SGCZ: variants seen among roughly 807,000 people sequenced by gnomAD.
SGCZ encodes the protein sarcoglycan zeta.
SGCZ carries 40 observed loss-of-function variants against 41.3 expected under a neutral mutation model. That is an observed-to-expected ratio of 0.97 (90% CI 0.75 to 1.26). The LOEUF (loss-of-function observed/expected upper bound fraction) is 1.26. Ranked by LOEUF, SGCZ falls within the 50% of genes most tolerant of loss-of-function variation. The probability of loss-of-function intolerance (pLI) is 0.00; values close to 1 mark genes in which losing one functional copy is unlikely to be tolerated. For synonymous variants in SGCZ, 206 were observed against 137.5 expected (o/e 1.50, Z -3.49); for missense variants, 552 against 369.8 (o/e 1.49, Z -4.04).
intron 1 of SGCZ, among the ~76,000 whole-genome samples, chr8:15,049,125 G>A (rs1458500479): frequency 6.6e-6 from 1 of 152,116 alleles, no homozygotes; most frequent in African/African-American, 2.4e-5. Flanking sequence ...TGAATATAAA[G>A]GATATGAAGA....
intron 1 of SGCZ, among the ~76,000 whole-genome samples, chr8:15,059,106 C>A (rs946872727): frequency 6.6e-6 from 1 of 151,928 alleles, no homozygotes; most frequent in Non-Finnish European, 1.5e-5. Flanking sequence ...AAAGTTGTTA[C>A]GATATGTTTC....
intron 1 of SGCZ, among the ~76,000 whole-genome samples, chr8:14,595,725 G>GA (rs974234660): frequency 6.6e-6 from 1 of 151,960 alleles, no homozygotes; most frequent in Non-Finnish European, 1.5e-5. Flanking sequence ...TGCCTTCAGG[G>GA]AAAAAAATAA....
At chr8:14,740,597 A>T (rs1799173459) in intron 1 of SGCZ, among the ~76,000 whole-genome samples, 1 of 151,996 alleles carries the variant, frequency 6.6e-6, no homozygotes, top group Non-Finnish European at 1.5e-5. Context: ...ACTAATTAAG[A>T]GCTGACATAG....
intron 5 of SGCZ, among the ~76,000 whole-genome samples, chr8:14,156,273 C>G (rs778616620): frequency 7.2e-5 from 11 of 152,092 alleles, no homozygotes; most frequent in Non-Finnish European, 1.5e-4. Context: ...TCCTGGCTAA[C>G]ACAGTGAAAT....
At chr8:14,780,310 G>C (rs1489729685) in intron 1 of SGCZ, among the ~76,000 whole-genome samples, 1 of 150,624 alleles carries the variant, frequency 6.6e-6, no homozygotes, top group African/African-American at 2.5e-5. Flanking sequence ...GGGGGGCAGA[G>C]CTTGCAGTGA....
chr8:15,095,059 A>G (rs1017628538), intron 1 of SGCZ, among the ~76,000 whole-genome samples: 3 of 152,154 alleles, frequency 2.0e-5, no homozygotes, highest in Non-Finnish European at 2.9e-5. Context: ...AAAAATTTTA[A>G]TGCTTCTATG....
At chr8:14,578,288 C>T (rs62498438) in intron 1 of SGCZ, among the ~76,000 whole-genome samples, 4,784 of 152,296 alleles carry the variant, frequency 0.031, 95 homozygotes, top group Non-Finnish European at 0.045. Flanking sequence ...CCCTAATCCA[C>T]ATCTAGGCCT....
intron 1 of SGCZ, among the ~76,000 whole-genome samples, chr8:14,609,441 G>C (rs1805857258): frequency 6.6e-6 from 1 of 152,042 alleles, no homozygotes; most frequent in African/African-American, 2.4e-5. Flanking sequence ...TGTTAGGCAA[G>C]TAATATAATT....
chr8:14,414,714 A>G (rs1287302593), intron 2 of SGCZ, among the ~76,000 whole-genome samples: 1 of 152,014 alleles, frequency 6.6e-6, no homozygotes, highest in African/African-American at 2.4e-5. Flanking sequence ...TGATTCAAGC[A>G]TGTGATACCT....
At chr8:14,228,215 T>C (rs998967231) in intron 4 of SGCZ, among the ~76,000 whole-genome samples, 1 of 152,120 alleles carries the variant, frequency 6.6e-6, no homozygotes, top group African/African-American at 2.4e-5. Context: ...GACAATTATA[T>C]ATGGAACTCC....
At chr8:14,481,951 A>G (rs1312837631) in intron 2 of SGCZ, among the ~76,000 whole-genome samples, 3 of 152,272 alleles carry the variant, frequency 2.0e-5, no homozygotes, top group South Asian at 2.1e-4. Context: ...ATAGCCCCTG[A>G]TTTCTGCCTG....
intron 2 of SGCZ, among the ~76,000 whole-genome samples, chr8:14,376,993 G>T (rs1488879947): frequency 6.6e-6 from 1 of 152,166 alleles, no homozygotes; most frequent in African/African-American, 2.4e-5. Flanking sequence ...TTGATGAGGT[G>T]AGAGGAACCC....
intron 5 of SGCZ, among the ~76,000 whole-genome samples, chr8:14,130,666 A>C (rs969991743): frequency 1.3e-5 from 2 of 152,154 alleles, no homozygotes; most frequent in African/African-American, 2.4e-5. Flanking sequence ...GCAGCCACTA[A>C]ATCATTTATT....
At chr8:14,843,340 CTT>C (rs1255017135) in intron 1 of SGCZ, among the ~76,000 whole-genome samples, 1 of 151,934 alleles carries the variant, frequency 6.6e-6, no homozygotes, top group Non-Finnish European at 1.5e-5. Context: ...TATTAAAACT[CTT>C]TGATTATTTC....
At chr8:14,427,584 T>C (rs903982929) in intron 2 of SGCZ, among the ~76,000 whole-genome samples, 9 of 152,172 alleles carry the variant, frequency 5.9e-5, no homozygotes, top group South Asian at 2.1e-4. Context: ...TCAACCCTAC[T>C]AGACCCCTCC....
intron 1 of SGCZ, among the ~76,000 whole-genome samples, chr8:14,661,828 G>A (rs2117484800): frequency 1.6e-5 from 2 of 121,718 alleles, no homozygotes. Flanking sequence ...TATGAAATGT[G>A]ATCTCAAATT....
At chr8:14,595,400 A>AC (rs1554459945) in intron 1 of SGCZ, among the ~76,000 whole-genome samples, 1 of 136,316 alleles carries the variant, frequency 7.3e-6, no homozygotes, top group Non-Finnish European at 1.6e-5. Context: ...AACATGCACA[A>AC]ACACACACAC....
chr8:14,590,813 TATATA>T (rs770711885), intron 1 of SGCZ, among the ~76,000 whole-genome samples: 13 of 148,166 alleles, frequency 8.8e-5, no homozygotes, highest in South Asian at 4.2e-4. Flanking sequence ...GAATATATGA[TATATA>T]ATATATCATG....
intron 1 of SGCZ, among the ~76,000 whole-genome samples, chr8:15,156,955 A>AG (rs1799349397): frequency 6.6e-6 from 1 of 151,718 alleles, no homozygotes; most frequent in South Asian, 2.1e-4. Context: ...AAAAAAAAAA[A>AG]AAAAGAAAAG....
Sources: allele counts gnomAD v4.1 joint callset (sites outside exome capture counted in the v4.1 genomes callset), GRCh38; gene constraint gnomAD v4.1.1; transcripts MANE v1.5; gene names NCBI Gene and HGNC (gene_info 2026-07-23, HGNC 2026-07-21).